Variants in DYNC2I1 observed in about 807,000 individuals in gnomAD.
DYNC2I1 encodes the protein cytoplasmic dynein 2 intermediate chain 1.
Under a neutral mutation model 133.4 loss-of-function variants are expected in DYNC2I1, and 89 were observed. The ratio of observed to expected loss-of-function variants is 0.67; its 90% CI spans 0.56 to 0.80. The LOEUF (loss-of-function observed/expected upper bound fraction) is 0.80. Ranked by LOEUF, DYNC2I1 falls within the 30% of genes least tolerant of loss-of-function variation. DYNC2I1 has a pLI of 0.00. For missense variants in DYNC2I1, 1,291 were observed against 1,314.5 expected (o/e 0.98, Z 0.28); for synonymous variants, 504 against 484.3 (o/e 1.04, Z -0.54).
At chr7:158,933,873 T>G (rs1850476814) in intron 21 of DYNC2I1, among the ~76,000 whole-genome samples, 2 of 152,146 alleles carry the variant, frequency 1.3e-5, no homozygotes, top group Non-Finnish European at 2.9e-5. Context: ...TCTCTGAAAT[T>G]TACAACCAAG....
intron 8 of DYNC2I1, among the ~76,000 whole-genome samples, chr7:158,892,235 G>A (rs886205808): frequency 2.6e-5 from 4 of 152,206 alleles, no homozygotes; most frequent in African/African-American, 7.2e-5. Context: ...TGAGTTGTAC[G>A]AGAATAAGAA....
intron 15 of DYNC2I1, among the ~76,000 whole-genome samples, chr7:158,919,351 A>G (rs1005559555): frequency 6.6e-6 from 1 of 152,274 alleles, no homozygotes; most frequent in African/African-American, 2.4e-5. Context: ...GTTATGGAAC[A>G]TAAAACGGGA....
chr7:158,856,596 C>G lies in DYNC2I1; in HGVS notation c.-140C>G. 1.2e-6 allele frequency: 1 copy of G among 866,696 alleles called. No individual in the cohort carries two copies. Among genetic ancestry groups the G allele is most frequent in the Non-Finnish European group, 1.5e-6 (1 of 655,848 alleles). 53.7% of individuals were successfully genotyped at this position (866,696 alleles called of 1,614,324 possible). On this transcript the variant is annotated 5_prime_UTR_variant, in exon 1 of 25. Coordinates refer to ENST00000407559, the MANE Select transcript of DYNC2I1 (RefSeq NM_018051.5). ...GGGCACGCTGGGCAGTGCTTCTGGG[C>G]CCTCTGCTGCTCCTGCTTGTCGGTT...
intron 11 of DYNC2I1, among the ~76,000 whole-genome samples, chr7:158,908,278 T>TA (rs59918408): frequency 3.3e-4 from 49 of 148,826 alleles, no homozygotes; most frequent in South Asian, 3.0e-3. Flanking sequence ...CAAATGGATT[T>TA]AAAAAAAAAA....
At chr7:158,919,005 G>A (rs539177026) in intron 15 of DYNC2I1, 136 bp downstream of exon 15, 3 of 1,063,372 alleles carry the variant, frequency 2.8e-6, no homozygotes, top group Middle Eastern at 6.5e-4. Context: ...CTGAGTTTCT[G>A]CAGAATTCAA....
rs778856151 is a variant in DYNC2I1, at chr7:158,934,137, A to G, written c.2555A>G (p.His852Arg). The G allele has an allele frequency of 2.0e-5, 32 of 1,608,248 alleles. No individual in the cohort carries two copies. Among genetic ancestry groups the G allele is most frequent in the Non-Finnish European group, 2.5e-6 (3 of 1,177,912 alleles). ...TTACTTTATTTTTTCAGTCTTTCCC[A>G]TAAAGGTAATGAATTTTGGGGCACT... The part of the protein sequence containing the change: ...ALIQLGDSLS[H>R]KGNEFWGTTQ... Residue 852 changes from histidine (H) to arginine (R), a missense_variant, in exon 22 of 25, where the codon CAT (histidine) becomes CGT (arginine). His to Arg is a conservative substitution (Grantham distance 29). Transcript: ENST00000407559.
intron 24 of DYNC2I1, among the ~76,000 whole-genome samples, chr7:158,944,561 T>A (rs1459329256): frequency 6.6e-6 from 1 of 152,210 alleles, no homozygotes; most frequent in Non-Finnish European, 1.5e-5. Flanking sequence ...GGCTTGTAGT[T>A]CCTCATGGTC....
In DYNC2I1 at chr7:158,938,527, C is replaced by T. The variant is rs764852082; in HGVS notation, c.2779-3398C>T. 2.1e-4 allele frequency among the ~76,000 whole-genome samples: 32 copies of T among 152,022 alleles called. 1 individual carries two copies. The highest frequency in any genetic ancestry group is 1.8e-3 in the Admixed American group (28 of 15,258). ...AATCGCAGCACTTTGAAGGTTGAAG[C>T]GGGTGGATCAGTTGAGGTCAGGAGT... On this transcript the variant is annotated intron_variant, in intron 23 of 24. Transcript: ENST00000407559.
intron 11 of DYNC2I1, among the ~76,000 whole-genome samples, chr7:158,907,553 C>T (rs191838095): frequency 2.6e-5 from 4 of 151,874 alleles, no homozygotes; most frequent in African/African-American, 7.2e-5. Flanking sequence ...TTCCATTTCC[C>T]TTTCCCTTTT....
At chr7:158,940,180 A>C (rs560044061) in intron 23 of DYNC2I1, among the ~76,000 whole-genome samples, 10 of 152,304 alleles carry the variant, frequency 6.6e-5, no homozygotes, top group Non-Finnish European at 1.2e-4. Context: ...GTTTTTGTGG[A>C]AGACATTTTT....
intron 17 of DYNC2I1, 132 bp from the exon 18 acceptor site, chr7:158,926,054 GT>G (rs1849581958): frequency 1.4e-6 from 1 of 699,138 alleles, no homozygotes; most frequent in African/African-American, 1.8e-5. Flanking sequence ...GTTTTGGGGT[GT>G]TTTGGGAAGA....
chr7:158,888,523 G>A (rs1004476734), intron 7 of DYNC2I1, among the ~76,000 whole-genome samples: 2 of 152,020 alleles, frequency 1.3e-5, no homozygotes, highest in African/African-American at 4.8e-5. Context: ...CCAGGCTGGA[G>A]TGCAGTGGCG....
intron 1 of DYNC2I1, among the ~76,000 whole-genome samples, chr7:158,859,397 C>T (rs1275163259): frequency 6.6e-6 from 1 of 152,070 alleles, no homozygotes; most frequent in East Asian, 1.9e-4. Flanking sequence ...GGATCTTTAT[C>T]TGTGATGTTT....
intron 8 of DYNC2I1, among the ~76,000 whole-genome samples, chr7:158,897,902 C>G (rs1349768249): frequency 6.6e-6 from 1 of 152,162 alleles, no homozygotes; most frequent in Non-Finnish European, 1.5e-5. Flanking sequence ...GCCCTCTAAG[C>G]ACTGCTTTTG....
chr7:158,871,607 G>A (rs566265572), intron 3 of DYNC2I1, 45 bp downstream of exon 3: 169 of 1,481,094 alleles, frequency 1.1e-4, no homozygotes, highest in East Asian at 7.9e-4. Flanking sequence ...GAGGTGCCGC[G>A]TCGCTGCTGG....
chr7:158,909,076 A>T lies in DYNC2I1; in HGVS notation c.1461-2474A>T, dbSNP rs190365681. The stretch of plus-strand genomic sequence containing the variant: ...CCAGGCATAGTGGCTCATGCCTGTA[A>T]TCCCAGCACTTTGGAAGACTGAGGC... On this transcript the variant is annotated intron_variant, in intron 11 of 24. Coordinates refer to ENST00000407559, the MANE Select transcript of DYNC2I1 (RefSeq NM_018051.5). 3.6e-3 allele frequency among the ~76,000 whole-genome samples: 544 copies of T among 152,258 alleles called. 7 individuals are homozygous for T. The highest frequency in any genetic ancestry group is 6.8e-3 in the Middle Eastern group (2 of 294).
At chr7:158,862,311 G>A (rs1356352097) in intron 1 of DYNC2I1, among the ~76,000 whole-genome samples, 1 of 152,138 alleles carries the variant, frequency 6.6e-6, no homozygotes, top group African/African-American at 2.4e-5. Context: ...ATCAGGGGAC[G>A]ATTACAAAAT....
At chr7:158,895,538 T>A (rs1585069575) in intron 8 of DYNC2I1, among the ~76,000 whole-genome samples, 1 of 152,376 alleles carries the variant, frequency 6.6e-6, no homozygotes, top group South Asian at 2.1e-4. Context: ...TCTTGATTGC[T>A]ATAGCTTTGT....
upstream of DYNC2I1, chr7:158,856,529 T>TA (rs145049056): frequency 4.6e-3 from 2,028 of 445,222 alleles, 20 homozygotes; most frequent in African/African-American, 0.03. Context: ...TGCCAGGTGC[T>TA]AAAAATGCCG....
Sources: gnomAD v4.1 joint callset for allele counts (sites outside exome capture counted in the v4.1 genomes callset) on GRCh38, gnomAD v4.1.1 for gene constraint, MANE v1.5 for transcripts, NCBI Gene and HGNC (gene_info 2026-07-23, HGNC 2026-07-21) for gene names.